The following PHOSPHO1 variants were observed in gnomAD, a reference collection of about 807,000 sequenced individuals.
PHOSPHO1 encodes the protein phosphoethanolamine/phosphocholine phosphatase 1, also known as phosphoethanolamine/phosphocholine phosphatase.
A neutral mutation model predicts 17.7 loss-of-function variants in PHOSPHO1; 6 were observed. The ratio of observed to expected loss-of-function variants is 0.34; its 90% CI spans 0.19 to 0.67. The LOEUF is 0.67. Ranked by LOEUF, PHOSPHO1 falls within the 30% of genes least tolerant of loss-of-function variation. The pLI, the probability that PHOSPHO1 is intolerant of heterozygous loss-of-function variation, is 0.69. For synonymous variants in PHOSPHO1, 159 were observed against 174.6 expected (o/e 0.91, Z 0.71); for missense variants, 330 against 392.1 (o/e 0.84, Z 1.34).
At position 49,224,237 on chromosome 17, in the gene PHOSPHO1, C is replaced by T. The variant is rs1290080052; in HGVS notation, c.*9G>A. On this transcript the variant is annotated 3_prime_UTR_variant, in exon 3 of 3. Transcript: ENST00000310544. Reference sequence around the variant, plus strand: ...GTTGGCCCGGGTACCCCCCTGCAGGCGGCCAGACTCAGCACGACTTCAGCA... The same window carrying T: ...GTTGGCCCGGGTACCCCCCTGCAGGTGGCCAGACTCAGCACGACTTCAGCA... 6.4e-7 allele frequency: 1 copy of T among 1,553,070 alleles called. No individual in the cohort carries two copies.
chr17:49,226,165 G>A (rs2043354191), intron 2 of PHOSPHO1, among the ~76,000 whole-genome samples: 1 of 152,094 alleles, frequency 6.6e-6, no homozygotes, highest in Non-Finnish European at 1.5e-5. Flanking sequence ...CAGGTGACAT[G>A]CAGCTTCCAG....
At position 49,223,932 on chromosome 17, in the gene PHOSPHO1, G is replaced by T. The variant is rs1207240466; in HGVS notation, c.*314C>A. The T allele has an allele frequency of 6.7e-6, 2 of 297,404 alleles. No homozygotes were observed. Among genetic ancestry groups the T allele is most frequent in the South Asian group, 1.4e-4 (1 of 7,222 alleles). The allele number at this position is 297,404 out of a possible 1,614,324, so 18.4% of individuals were successfully genotyped here. ...GTTCCTTCTCTCACCTGCCGGGGGGGCCCCTTCCTCCCAGTTGGGAGGACC... is the reference window on the plus strand; with the variant it reads ...GTTCCTTCTCTCACCTGCCGGGGGGTCCCCTTCCTCCCAGTTGGGAGGACC... On this transcript the variant is annotated 3_prime_UTR_variant, in exon 3 of 3. Transcript: ENST00000310544.
At chr17:49,230,139 T>G (rs1345957148) in intron 1 of PHOSPHO1, among the ~76,000 whole-genome samples, 2 of 151,780 alleles carry the variant, frequency 1.3e-5, no homozygotes, top group South Asian at 2.1e-4. Flanking sequence ...GGGGGAGAGA[T>G]ATTTTTAGAG....
Position 49,224,842 on chromosome 17 carries a change from C to T in PHOSPHO1, c.208G>A (p.Glu70Lys), listed in dbSNP as rs148546172. Residue 70 changes from glutamate (E) to lysine (K), a missense_variant, in exon 3 of 3, where the codon GAG becomes AAG. Glu to Lys is a moderately conservative substitution (Grantham distance 56). Coordinates refer to ENST00000310544, the MANE Select transcript of PHOSPHO1 (RefSeq NM_178500.4). The part of the protein sequence containing the change: ...RATYREGFYN[E>K]YMQRVFKYLG... ...TACTTGAAGACGCGCTGCATGTACT[C>T]GTTGTAGAAGCCCTCGCGGTAGGTG... The T allele has an allele frequency of 1.4e-4, 229 of 1,606,544 alleles. No homozygotes were observed. In the African/African-American group the frequency reaches 2.4e-3, roughly 17 times the overall value.
At chr17:49,225,642 C>G in intron 2 of PHOSPHO1, 1 of 1,291,532 alleles carries the variant, frequency 7.7e-7, no homozygotes, top group African/African-American at 1.5e-5. Context: ...GACAGCTCAT[C>G]ACTAATCACT....
At chr17:49,228,517 G>A (rs563054788) in intron 1 of PHOSPHO1, among the ~76,000 whole-genome samples, 50 of 152,056 alleles carry the variant, frequency 3.3e-4, no homozygotes, top group African/African-American at 8.0e-4. Context: ...AAGGCCGGGC[G>A]TGGTGGCTCA....
chr17:49,226,826 C>G, intron 1 of PHOSPHO1, 68 bp from the exon 2 acceptor site: 2 of 951,926 alleles, frequency 2.1e-6, no homozygotes, highest in Non-Finnish European at 3.3e-6. Context: ...GGAATACCCA[C>G]CTGGCCCTGG....
Position 49,224,030 on chromosome 17 carries a change from C to T in PHOSPHO1, c.*216G>A. ...TCAGACTCCAGAACTCAACCGTGCA[C>T]AGTGGAGTGGGGGAGGCAGCCGAGG... is the stretch of plus-strand genomic sequence containing the variant. On this transcript the variant is annotated 3_prime_UTR_variant, in exon 3 of 3. Coordinates refer to ENST00000310544, the MANE Select transcript of PHOSPHO1 (RefSeq NM_178500.4). The T allele has an allele frequency of 1.5e-6, 1 of 662,862 alleles. No individual in the cohort carries two copies. Among genetic ancestry groups the T allele is most frequent in the Non-Finnish European group, 2.4e-6 (1 of 411,510 alleles). The allele number at this position is 662,862 out of a possible 1,614,324, so 41.1% of individuals were successfully genotyped here. A position where few individuals can be genotyped will look rare whatever the true frequency, so the allele number is the denominator to read the frequency against.
Position 49,226,641 on chromosome 17 carries a change from A to T in PHOSPHO1, c.45+6T>A. On this transcript the variant is annotated splice_donor_region_variant and intron_variant, in intron 2 of 2. Transcript: ENST00000310544. ...TCCTAGGAGACCCCTGGAGGGACCC[A>T]CTTACCCTAGATAGGCAGCGGAGGC... 4.3e-6 allele frequency: 7 copies of T among 1,614,078 alleles called. No homozygotes were observed. Among genetic ancestry groups the T allele is most frequent in the Non-Finnish European group, 5.9e-6 (7 of 1,179,962 alleles).
chr17:49,226,656 G>T lies in PHOSPHO1; in HGVS notation c.36C>A (p.Cys12Ter), dbSNP rs2043360500. 1.9e-6 allele frequency: 3 copies of T among 1,614,048 alleles called. No individual in the cohort carries two copies. In the African/African-American group the frequency reaches 4.0e-5, roughly 22 times the overall value. The change falls in exon 2 of 3, where the codon TGC (cysteine) becomes TGA (stop). Residue 12 changes from cysteine to a stop codon, truncating the protein, a stop_gained. Coordinates refer to ENST00000310544, the MANE Select transcript of PHOSPHO1 (RefSeq NM_178500.4). LOFTEE classifies it high-confidence loss of function. ...GGAGGGACCCACTTACCCTAGATAG[G>T]CAGCGGAGGCCAGAAACTGGAAAAC... is the stretch of plus-strand genomic sequence containing the variant. The part of the protein sequence containing the change: ...SGCFPVSGLR[C>*]LSRDGRMAAQ...
rs1479880371 is a variant in PHOSPHO1, at chr17:49,226,676, GA to G, written c.15del (p.Pro6GlnfsTer24). On this transcript the variant is annotated frameshift_variant, in exon 2 of 3. Coordinates refer to ENST00000310544, the MANE Select transcript of PHOSPHO1 (RefSeq NM_178500.4). LOFTEE classifies it high-confidence loss of function. MSGC[F>X]PVSGLRCLSR... is the part of the protein sequence containing the mutation. Reference sequence around the variant, plus strand: ...GATAGGCAGCGGAGGCCAGAAACTGGAAAACAGCCACTCATTGTCGGTGCAT... The same window carrying G: ...GATAGGCAGCGGAGGCCAGAAACTGGAAACAGCCACTCATTGTCGGTGCAT... 2 of 1,614,102 alleles carry G rather than the reference GA, an allele frequency of 1.2e-6. No individual in the cohort carries two copies. The highest frequency in any genetic ancestry group is 1.3e-5 in the African/African-American group (1 of 74,934).
At position 49,224,104 on chromosome 17, in the gene PHOSPHO1, C is replaced by T; in HGVS notation, c.*142G>A. 7.8e-7 allele frequency: 1 copy of T among 1,277,904 alleles called. No homozygotes were observed. The highest frequency in any genetic ancestry group is 2.6e-5 in the East Asian group (1 of 38,958). The allele number at this position is 1,277,904 out of a possible 1,614,324, so 79.2% of individuals were successfully genotyped here. A position where few individuals can be genotyped will look rare whatever the true frequency, so the allele number is the denominator to read the frequency against. ...CGGCTCTGAGCCCCCTTCCCCAAGC[C>T]CCCAAATACGAGATTCCAGAAATTC... On this transcript the variant is annotated 3_prime_UTR_variant, in exon 3 of 3. Coordinates refer to ENST00000310544, the MANE Select transcript of PHOSPHO1 (RefSeq NM_178500.4).
chr17:49,228,905 AG>A (rs1448322790), intron 1 of PHOSPHO1, among the ~76,000 whole-genome samples: 1 of 151,820 alleles, frequency 6.6e-6, no homozygotes, highest in Non-Finnish European at 1.5e-5. Context: ...GGTTGCAGTG[AG>A]CTGTAATGGT....
chr17:49,225,284 T>C (rs1309751906), intron 2 of PHOSPHO1: 1 of 985,296 alleles, frequency 1.0e-6, no homozygotes, highest in Non-Finnish European at 1.2e-6. Flanking sequence ...TCCCCTACTC[T>C]CATCGAGGGC....
chr17:49,225,986 G>C (rs1303050307), intron 2 of PHOSPHO1, among the ~76,000 whole-genome samples: 1 of 152,008 alleles, frequency 6.6e-6, no homozygotes, highest in East Asian at 1.9e-4. Flanking sequence ...CCTTGGGCCA[G>C]ATTCTTGTTG....
At chr17:49,226,824 C>T (rs2043362624) in intron 1 of PHOSPHO1, 66 bp from the exon 2 acceptor site, 3 of 983,292 alleles carry the variant, frequency 3.1e-6, no homozygotes, top group African/African-American at 1.6e-5. Context: ...CAGGAATACC[C>T]ACCTGGCCCT....
At position 49,224,136 on chromosome 17, in the gene PHOSPHO1, G is replaced by T; in HGVS notation, c.*110C>A. The T allele has an allele frequency of 2.2e-6, 3 of 1,383,638 alleles. No individual in the cohort carries two copies. Among genetic ancestry groups the T allele is most frequent in the East Asian group, 5.1e-5 (2 of 39,454 alleles). The allele number at this position is 1,383,638 out of a possible 1,614,324, so 85.7% of individuals were successfully genotyped here. On this transcript the variant is annotated 3_prime_UTR_variant, in exon 3 of 3. Transcript: ENST00000310544. ...TACGAGATTCCAGAAATTCCCAGAG[G>T]GACATAACAAAGCCAAAGGGAAAAG...
intron 1 of PHOSPHO1, among the ~76,000 whole-genome samples, chr17:49,230,215 G>C (rs756810759): frequency 6.6e-6 from 1 of 152,134 alleles, no homozygotes; most frequent in Admixed American, 6.5e-5. Flanking sequence ...ATGCGGGCGG[G>C]GGGTGCGCGG....
At chr17:49,230,137 G>T (rs1274090076) in intron 1 of PHOSPHO1, among the ~76,000 whole-genome samples, 1 of 152,106 alleles carries the variant, frequency 6.6e-6, no homozygotes, top group Non-Finnish European at 1.5e-5. Context: ...TTGGGGGAGA[G>T]ATATTTTTAG....
Sources: gnomAD v4.1 joint callset for allele counts (sites outside exome capture counted in the v4.1 genomes callset) on GRCh38, gnomAD v4.1.1 for gene constraint, MANE v1.5 for transcripts, NCBI Gene and HGNC (gene_info 2026-07-23, HGNC 2026-07-21) for gene names.